The following NYAP2 variants were observed in gnomAD, a reference collection of about 807,000 sequenced individuals.
NYAP2 encodes neuronal tyrosine-phosphorylated phosphoinositide-3-kinase adaptor 2.
A neutral mutation model predicts 50.4 loss-of-function variants in NYAP2; 23 were observed. The ratio of observed to expected loss-of-function variants is 0.46; its 90% CI spans 0.33 to 0.65. The LOEUF (loss-of-function observed/expected upper bound fraction) is 0.65, where lower values mean the gene tolerates loss of function less well. NYAP2 is among the 30% of genes least tolerant of loss of function. The pLI is 0.02. For missense variants in NYAP2, 885 were observed against 861.0 expected (o/e 1.03, Z -0.35); for synonymous variants, 394 against 365.2 (o/e 1.08, Z -0.90).
At chr2:225,546,014 C>T (rs1691574902) in intron 4 of NYAP2, among the ~76,000 whole-genome samples, 1 of 152,156 alleles carries the variant, frequency 6.6e-6, no homozygotes, top group African/African-American at 2.4e-5. Flanking sequence ...GTTCTCTTTC[C>T]TTACTTTCTC....
At chr2:225,702,365 TC>T in the NYAP2 span, 3 of 151,766 alleles carry the variant, frequency 2.0e-5, no homozygotes, top group Non-Finnish European at 3.0e-5. Context: ...ATTTAAAAAT[TC>T]TAAAGCACTT....
At chr2:225,400,119 T>C (rs1365342657) in exon 1 of NYAP2, 2 of 152,090 alleles carry the variant, frequency 1.3e-5, no homozygotes, top group African/African-American at 4.8e-5. Flanking sequence ...TTCTTGCAAT[T>C]TCTTCAGTTG....
At chr2:225,565,838 T>C (rs1380146845) in intron 4 of NYAP2, among the ~76,000 whole-genome samples, 1 of 152,154 alleles carries the variant, frequency 6.6e-6, no homozygotes, top group Non-Finnish European at 1.5e-5. Context: ...AACTACTAAA[T>C]TGGGATTCAA....
intron 4 of NYAP2, among the ~76,000 whole-genome samples, chr2:225,537,289 T>A (rs1691368658): frequency 6.6e-6 from 1 of 152,208 alleles, no homozygotes; most frequent in Non-Finnish European, 1.5e-5. Flanking sequence ...CCATCTATAT[T>A]GTCACAAATG....
intron 3 of NYAP2, among the ~76,000 whole-genome samples, chr2:225,508,544 G>T (rs1033928805): frequency 5.3e-5 from 8 of 152,264 alleles, no homozygotes; most frequent in Admixed American, 2.6e-4. Flanking sequence ...GCCTGTGAGA[G>T]ATAAAGAAGG....
At chr2:225,532,841 G>T (rs1347029454) in intron 4 of NYAP2, among the ~76,000 whole-genome samples, 2 of 151,974 alleles carry the variant, frequency 1.3e-5, no homozygotes, top group East Asian at 1.9e-4. Flanking sequence ...ATTATGATCT[G>T]CCCTGTGTTG....
At chr2:225,628,452 G>C (rs1033678393) in intron 6 of NYAP2, among the ~76,000 whole-genome samples, 25 of 151,226 alleles carry the variant, frequency 1.7e-4, no homozygotes, top group Admixed American at 1.1e-3. Flanking sequence ...CTCCCTAGTA[G>C]CTGGGCTTAC....
At chr2:225,529,906 A>G (rs1488253069) in intron 4 of NYAP2, among the ~76,000 whole-genome samples, 1 of 151,244 alleles carries the variant, frequency 6.6e-6, no homozygotes, top group Non-Finnish European at 1.5e-5. Flanking sequence ...ACGGGGTTTC[A>G]CCATGTTGGC....
At chr2:225,538,791 TTTCTTTCTTTCTTTC>T (rs1691400230) in intron 4 of NYAP2, among the ~76,000 whole-genome samples, 1 of 42,942 alleles carries the variant, frequency 2.3e-5, no homozygotes, top group African/African-American at 1.1e-4. Context: ...TCTTTCTTTC[TTTCTTTCTTTCTTTC>T]TTTCTTTCTT....
chr2:225,568,961 T>G (rs888808390), intron 4 of NYAP2, among the ~76,000 whole-genome samples: 9 of 152,226 alleles, frequency 5.9e-5, no homozygotes, highest in Admixed American at 1.3e-4. Flanking sequence ...AACTTTATTT[T>G]AATGTGCATA....
At chr2:225,695,717 T>C in the NYAP2 span, among the ~76,000 whole-genome samples, 11 of 151,970 alleles carry the variant, frequency 7.2e-5, no homozygotes, top group East Asian at 1.9e-4. Flanking sequence ...CAGATTATCA[T>C]GTTATGAAAT....
intron 6 of NYAP2, among the ~76,000 whole-genome samples, chr2:225,634,911 G>A (rs1451819435): frequency 6.6e-6 from 1 of 152,172 alleles, no homozygotes; most frequent in Non-Finnish European, 1.5e-5. Flanking sequence ...CAACAGAGCT[G>A]GGATTCAGGA....
chr2:225,527,912 G>T (rs1691181860), intron 4 of NYAP2, among the ~76,000 whole-genome samples: 1 of 152,168 alleles, frequency 6.6e-6, no homozygotes, highest in Non-Finnish European at 1.5e-5. Context: ...CTCCCAAAAT[G>T]TTGGGATTAC....
intron 3 of NYAP2, among the ~76,000 whole-genome samples, chr2:225,469,429 G>A (rs1456407101): frequency 6.6e-6 from 1 of 152,130 alleles, no homozygotes; most frequent in African/African-American, 2.4e-5. Flanking sequence ...AGTTCATTGT[G>A]GAAGATAATG....
At chr2:225,576,991 A>G (rs565132414) in intron 4 of NYAP2, among the ~76,000 whole-genome samples, 44 of 150,790 alleles carry the variant, frequency 2.9e-4, no homozygotes, top group Admixed American at 2.6e-3. Context: ...GAACACCTAC[A>G]GATACTAAAG....
the NYAP2 span, chr2:225,698,872 G>A: frequency 6.6e-6 from 1 of 151,716 alleles, no homozygotes; most frequent in Non-Finnish European, 1.5e-5. Flanking sequence ...AGTATTAACT[G>A]GTTTGTTATC....
chr2:225,577,726 ATGATTTACCTCAAAGAACCTC>A (rs1204228776), intron 4 of NYAP2, among the ~76,000 whole-genome samples: 3 of 151,344 alleles, frequency 2.0e-5, no homozygotes, highest in Admixed American at 1.3e-4. Context: ...TCAAAGAACC[ATGATTTACCTCAAAGAACCTC>A]TGATTTACCT....
intron 3 of NYAP2, among the ~76,000 whole-genome samples, chr2:225,430,616 C>T (rs1311463211): frequency 2.0e-5 from 3 of 152,138 alleles, no homozygotes; most frequent in Non-Finnish European, 2.9e-5. Context: ...CTATTATTAA[C>T]TCCAGTCTAC....
At chr2:225,668,995 A>G in the NYAP2 span, among the ~76,000 whole-genome samples, 1 of 114,526 alleles carries the variant, frequency 8.7e-6, no homozygotes, top group African/African-American at 3.6e-5. Flanking sequence ...TTTGCTGCTA[A>G]TGGCTTAAAA....
Sources: allele counts gnomAD v4.1 joint callset (sites outside exome capture counted in the v4.1 genomes callset), GRCh38; gene constraint gnomAD v4.1.1; transcripts MANE v1.5; gene names NCBI Gene and HGNC (gene_info 2026-07-23, HGNC 2026-07-21).